Variants in MCCC2 observed in about 807,000 individuals in gnomAD.
MCCC2 encodes the protein methylcrotonoyl-CoA carboxylase beta chain, mitochondrial.
Under a neutral mutation model 77.2 loss-of-function variants are expected in MCCC2, and 52 were observed. The ratio of observed to expected loss-of-function variants is 0.67; its 90% CI spans 0.54 to 0.85. MCCC2 has a LOEUF of 0.85. MCCC2 is among the 40% of genes least tolerant of loss of function. MCCC2 has a pLI of 0.00. For missense variants in MCCC2, 682 were observed against 703.2 expected (o/e 0.97, Z 0.34); for synonymous variants, 253 against 248.4 (o/e 1.02, Z -0.18).
chr5:71,613,047 C>A (rs1184881967), intron 6 of MCCC2, among the ~76,000 whole-genome samples: 1 of 152,326 alleles, frequency 6.6e-6, no homozygotes, highest in East Asian at 1.9e-4. Context: ...ATGTCTGCCT[C>A]CATCTTCACG....
chr5:71,654,920 C>T lies in MCCC2; in HGVS notation c.1575-1823C>T, dbSNP rs529944429. ...CATGATCTCGGCTCACTGCAACTTC[C>T]GCCTCCTGGGTTCAAGGGATTCTCC... On this transcript the variant is annotated intron_variant, in intron 16 of 16. Transcript: ENST00000340941. Among the ~76,000 whole-genome samples the T allele has an allele frequency of 5.9e-5, 9 of 151,762 alleles. No individual in the cohort carries two copies. In the South Asian group the frequency reaches 8.3e-4, roughly 14 times the overall value.
chr5:71,636,688 A>G (rs952728794), intron 10 of MCCC2: 7 of 152,000 alleles, frequency 4.6e-5, no homozygotes, highest in Non-Finnish European at 1.0e-4. Flanking sequence ...TGACAGAGTG[A>G]GACTCTGTCT....
rs1414470105 is a variant in MCCC2 at position 71,596,331 on chromosome 5, C to G, written c.248C>G (p.Pro83Arg). 1.2e-6 allele frequency: 2 copies of G among 1,614,052 alleles called. No homozygotes were observed. Among genetic ancestry groups the G allele is most frequent in the Admixed American group, 1.7e-5 (1 of 60,006 alleles). The change falls in exon 3 of 17, where the codon CCC becomes CGC. Residue 83 changes from proline to arginine, a missense_variant. Coordinates refer to ENST00000340941, the MANE Select transcript of MCCC2 (RefSeq NM_022132.5). The part of the protein sequence containing the change: ...ALHISRGKLL[P>R]RERIDNLIDP... ...CACATATCAAGAGGAAAACTATTGC[C>G]CAGAGAAAGAATTGACAATCTCATA... is the stretch of plus-strand genomic sequence containing the variant.
At chr5:71,593,321 G>T (rs1745054858) in intron 2 of MCCC2, among the ~76,000 whole-genome samples, 1 of 152,040 alleles carries the variant, frequency 6.6e-6, no homozygotes, top group Non-Finnish European at 1.5e-5. Context: ...AACTACTGAT[G>T]TCAAGTGATC....
At chr5:71,638,650 A>G (rs953436169) in intron 10 of MCCC2, among the ~76,000 whole-genome samples, 3 of 152,134 alleles carry the variant, frequency 2.0e-5, no homozygotes, top group African/African-American at 4.8e-5. Flanking sequence ...CCTCCCAAGT[A>G]GCTGGGATTA....
At chr5:71,602,768 CA>C in intron 5 of MCCC2, 135 bp downstream of exon 5, 1 of 1,329,280 alleles carries the variant, frequency 7.5e-7, no homozygotes, top group Admixed American at 2.0e-5. Flanking sequence ...AAAGGAAACA[CA>C]GGTTCTTTGC....
intron 7 of MCCC2, among the ~76,000 whole-genome samples, chr5:71,629,237 A>G (rs1284584096): frequency 6.6e-6 from 1 of 151,440 alleles, no homozygotes; most frequent in African/African-American, 2.4e-5. Context: ...ACAGAAAAGG[A>G]CAAATAAATG....
At chr5:71,596,499 C>T in intron 3 of MCCC2, 135 bp downstream of exon 3, 1 of 822,308 alleles carries the variant, frequency 1.2e-6, no homozygotes. Flanking sequence ...TGAGAGCCTA[C>T]TATGTGTCAA....
intron 4 of MCCC2, among the ~76,000 whole-genome samples, chr5:71,600,776 G>A (rs1745397651): frequency 6.6e-6 from 1 of 152,146 alleles, no homozygotes; most frequent in African/African-American, 2.4e-5. Context: ...ATGGTCTTAG[G>A]TATTACTAGG....
chr5:71,597,862 T>C (rs1745249510), intron 3 of MCCC2, among the ~76,000 whole-genome samples: 1 of 152,194 alleles, frequency 6.6e-6, no homozygotes, highest in Non-Finnish European at 1.5e-5. Context: ...ATCTTGACCA[T>C]GTAAGTAAGT....
chr5:71,610,687 T>C (rs1745900092), intron 6 of MCCC2, among the ~76,000 whole-genome samples: 2 of 152,198 alleles, frequency 1.3e-5, no homozygotes, highest in East Asian at 3.9e-4. Flanking sequence ...TGTAATAAGA[T>C]TATTAAAACA....
At chr5:71,604,226 C>A in intron 5 of MCCC2, 130 bp from the exon 6 acceptor site, 1 of 765,308 alleles carries the variant, frequency 1.3e-6, no homozygotes. Context: ...GGCTCTATAA[C>A]AGTTTAGAAA....
At chr5:71,639,734 G>A (rs986829459) in intron 10 of MCCC2, among the ~76,000 whole-genome samples, 8 of 152,210 alleles carry the variant, frequency 5.3e-5, no homozygotes, top group African/African-American at 1.9e-4. Flanking sequence ...CCGTATCTCT[G>A]TGTGGAAGAA....
At chr5:71,624,954 A>C (rs1333530330) in intron 6 of MCCC2, among the ~76,000 whole-genome samples, 1 of 150,918 alleles carries the variant, frequency 6.6e-6, no homozygotes, top group African/African-American at 2.4e-5. Context: ...CCCACCTCCC[A>C]AAGTGCTGGG....
chr5:71,639,318 G>T (rs1395761092), intron 10 of MCCC2, among the ~76,000 whole-genome samples: 1 of 152,138 alleles, frequency 6.6e-6, no homozygotes, highest in East Asian at 1.9e-4. Context: ...ATCTTAGCTA[G>T]ATCTTCTGGA....
intron 6 of MCCC2, among the ~76,000 whole-genome samples, chr5:71,606,293 C>T (rs1294522747): frequency 6.6e-6 from 1 of 150,550 alleles, no homozygotes; most frequent in East Asian, 2.0e-4. Flanking sequence ...TCCTTCACAT[C>T]CCTTGTAAGT....
At chr5:71,617,194 A>G (rs1746188588) in intron 6 of MCCC2, among the ~76,000 whole-genome samples, 1 of 152,084 alleles carries the variant, frequency 6.6e-6, no homozygotes, top group Non-Finnish European at 1.5e-5. Flanking sequence ...TTTTTTGACC[A>G]TCTGCTCAGG....
intron 6 of MCCC2, among the ~76,000 whole-genome samples, chr5:71,621,772 G>GAGGATGGTTT (rs903622261): frequency 1.3e-4 from 20 of 151,906 alleles, no homozygotes; most frequent in African/African-American, 4.8e-4. Flanking sequence ...GGGGGAATGT[G>GAGGATGGTTT]AGGATGGTTA....
chr5:71,646,458 G>A (rs1204693987), intron 13 of MCCC2, among the ~76,000 whole-genome samples, 181 bp downstream of exon 13: 1 of 152,100 alleles, frequency 6.6e-6, no homozygotes, highest in African/African-American at 2.4e-5. Flanking sequence ...TAAATATTCT[G>A]AGGAGATTAT....
Sources: gnomAD v4.1 joint callset for allele counts (sites outside exome capture counted in the v4.1 genomes callset) on GRCh38, gnomAD v4.1.1 for gene constraint, MANE v1.5 for transcripts, NCBI Gene and HGNC (gene_info 2026-07-23, HGNC 2026-07-21) for gene names.